Variants in FOCAD observed in about 807,000 individuals in gnomAD.
FOCAD encodes focadhesin, also known as KIAA1797.
Under a neutral mutation model 225.6 loss-of-function variants are expected in FOCAD, and 198 were observed. That is an observed-to-expected ratio of 0.88 (90% confidence interval 0.78 to 0.99). The LOEUF is 0.99. Among genes scored for constraint, FOCAD ranks in the 50% least tolerant of loss-of-function variants. The pLI, the probability that FOCAD is intolerant of heterozygous loss-of-function variation, is 0.00. For missense variants in FOCAD, 2,713 were observed against 2,123.6 expected (o/e 1.28, Z -5.46); for synonymous variants, 897 against 755.0 (o/e 1.19, Z -3.08).
At chr9:20,966,140 A>T (rs553408618) in intron 35 of FOCAD, among the ~76,000 whole-genome samples, 1 of 152,126 alleles carries the variant, frequency 6.6e-6, no homozygotes, top group Non-Finnish European at 1.5e-5. Flanking sequence ...GCACTGTTTT[A>T]CATTCTTGCA....
At chr9:20,952,840 G>A in intron 34 of FOCAD, 145 bp from the exon 35 acceptor site, 2 of 671,784 alleles carry the variant, frequency 3.0e-6, no homozygotes, top group Non-Finnish European at 5.2e-6. Flanking sequence ...AGAATTAGTT[G>A]CAGCCACAAA....
chr9:20,682,546 C>A (rs1384715170), upstream of FOCAD, among the ~76,000 whole-genome samples: 1 of 152,150 alleles, frequency 6.6e-6, no homozygotes, highest in East Asian at 1.9e-4. Flanking sequence ...CTTAGAACAG[C>A]GCTGTTTACA....
intron 5 of FOCAD, among the ~76,000 whole-genome samples, chr9:20,757,291 A>G (rs189775548): frequency 1.3e-5 from 2 of 152,366 alleles, no homozygotes; most frequent in Non-Finnish European, 2.9e-5. Flanking sequence ...TAAAAATTGT[A>G]TAGTACTTAA....
chr9:20,983,078 C>A (rs1213543314), intron 39 of FOCAD, among the ~76,000 whole-genome samples: 1 of 152,164 alleles, frequency 6.6e-6, no homozygotes, highest in African/African-American at 2.4e-5. Flanking sequence ...TGAATTTCTG[C>A]ATCATATGGC....
At chr9:20,938,119 T>C (rs990135496) in intron 28 of FOCAD, among the ~76,000 whole-genome samples, 36 of 152,230 alleles carry the variant, frequency 2.4e-4, no homozygotes, top group Non-Finnish European at 4.6e-4. Context: ...GGAACACTTT[T>C]ACACTGTTGG....
intron 23 of FOCAD, among the ~76,000 whole-genome samples, chr9:20,915,004 T>C (rs1833755328): frequency 6.6e-6 from 1 of 152,188 alleles, no homozygotes; most frequent in South Asian, 2.1e-4. Flanking sequence ...CAATCAAAGA[T>C]ACTCCAAGAT....
chr9:20,918,281 G>A (rs1834040940), intron 24 of FOCAD, among the ~76,000 whole-genome samples: 1 of 152,176 alleles, frequency 6.6e-6, no homozygotes, highest in Admixed American at 6.5e-5. Context: ...GTGTCTAGTA[G>A]ATATTGCAAT....
chr9:20,793,472 G>A (rs936036066), intron 11 of FOCAD, among the ~76,000 whole-genome samples: 5 of 152,144 alleles, frequency 3.3e-5, no homozygotes, highest in Admixed American at 3.3e-4. Context: ...TTAGTGTTGG[G>A]CTGTTACTTC....
intron 21 of FOCAD, among the ~76,000 whole-genome samples, chr9:20,891,196 T>G (rs1831582912): frequency 6.6e-6 from 1 of 152,202 alleles, no homozygotes; most frequent in Non-Finnish European, 1.5e-5. Context: ...ATTTTTTATT[T>G]CTTCACCAAC....
chr9:20,926,671 TA>T (rs1834979260), intron 26 of FOCAD, among the ~76,000 whole-genome samples: 1 of 151,494 alleles, frequency 6.6e-6, no homozygotes, highest in Non-Finnish European at 1.5e-5. Flanking sequence ...TAATCCCAGC[TA>T]CTCAGGAGGC....
chr9:20,953,424 C>T (rs537384394), intron 35 of FOCAD, among the ~76,000 whole-genome samples: 3 of 152,258 alleles, frequency 2.0e-5, no homozygotes, highest in East Asian at 3.9e-4. Flanking sequence ...GTTTCTATCC[C>T]GGGATCTGTC....
At chr9:20,956,009 A>G (rs764211349) in intron 35 of FOCAD, among the ~76,000 whole-genome samples, 1 of 152,240 alleles carries the variant, frequency 6.6e-6, no homozygotes, top group Non-Finnish European at 1.5e-5. Context: ...AAAAATTCAC[A>G]GTAAGAAGTA....
chr9:20,883,481 C>T (rs567817299), intron 20 of FOCAD, among the ~76,000 whole-genome samples: 1 of 152,116 alleles, frequency 6.6e-6, no homozygotes, highest in East Asian at 1.9e-4. Context: ...GGAAAATTTA[C>T]CAAAATGACC....
chr9:20,807,342 C>A (rs181043048), intron 11 of FOCAD, among the ~76,000 whole-genome samples: 1 of 152,262 alleles, frequency 6.6e-6, no homozygotes, highest in Non-Finnish European at 1.5e-5. Context: ...TGTGTGCACG[C>A]GCCTGTTTTA....
intron 19 of FOCAD, among the ~76,000 whole-genome samples, chr9:20,881,021 T>A (rs1227457518): frequency 6.6e-6 from 1 of 152,186 alleles, no homozygotes; most frequent in East Asian, 1.9e-4. Flanking sequence ...GTAAGTAAAA[T>A]GTCAAATGAT....
At chr9:20,782,363 T>C (rs1386521854) in intron 10 of FOCAD, among the ~76,000 whole-genome samples, 1 of 152,210 alleles carries the variant, frequency 6.6e-6, no homozygotes, top group Non-Finnish European at 1.5e-5. Context: ...AAAACTTCTT[T>C]ATTTAATATG....
intron 4 of FOCAD, among the ~76,000 whole-genome samples, chr9:20,734,799 C>G (rs1360472540): frequency 6.6e-6 from 1 of 152,094 alleles, no homozygotes; most frequent in African/African-American, 2.4e-5. Flanking sequence ...CTCATGCCAC[C>G]ACACTTGGCC....
In FOCAD at chr9:20,827,310, CTT is replaced by C. The variant is rs557668154; in HGVS notation, c.1920+4198_1920+4199del. ...TAAACAAAATCATATGATGTGTTGTCTTTTGTAAGTAGCTTCTTTCACTCAAC... is the reference window on the plus strand; with the variant it reads ...TAAACAAAATCATATGATGTGTTGTCTTGTAAGTAGCTTCTTTCACTCAAC... On this transcript the variant is annotated intron_variant, in intron 15 of 43. Transcript: ENST00000338382. Among the ~76,000 whole-genome samples the C allele has an allele frequency of 5.9e-3, 903 of 152,152 alleles. 5 individuals carry two copies. The highest frequency in any genetic ancestry group is 0.029 in the South Asian group (138 of 4,822).
intron 23 of FOCAD, among the ~76,000 whole-genome samples, chr9:20,914,623 C>G (rs1448582805): frequency 6.6e-6 from 1 of 152,108 alleles, no homozygotes; most frequent in African/African-American, 2.4e-5. Flanking sequence ...GTGTACCTGG[C>G]AAAGCCTGTG....
Sources: allele counts gnomAD v4.1 joint callset (sites outside exome capture counted in the v4.1 genomes callset), GRCh38; gene constraint gnomAD v4.1.1; transcripts MANE v1.5; gene names NCBI Gene and HGNC (gene_info 2026-07-23, HGNC 2026-07-21).